Variants in ERBB4 observed in about 807,000 individuals in gnomAD.
ERBB4 encodes receptor tyrosine-protein kinase erbB-4.
ERBB4 carries 42 observed loss-of-function variants against 158.0 expected under a neutral mutation model. The observed-to-expected ratio is 0.27, with a 90% CI of 0.21 to 0.34. The LOEUF (loss-of-function observed/expected upper bound fraction) is 0.34. Among genes scored for constraint, ERBB4 ranks in the 10% least tolerant of loss-of-function variants. The pLI, the probability that ERBB4 is intolerant of heterozygous loss-of-function variation, is 1.00. For synonymous variants in ERBB4, 583 were observed against 558.7 expected (o/e 1.04, Z -0.61); for missense variants, 1,333 against 1,624.1 (o/e 0.82, Z 3.08).
intron 2 of ERBB4, among the ~76,000 whole-genome samples, chr2:212,113,915 G>A (rs2125546614): frequency 6.6e-6 from 1 of 152,278 alleles, no homozygotes; most frequent in South Asian, 2.1e-4. Flanking sequence ...GGAAAAGTAA[G>A]TAATGTAAAG....
chr2:212,012,168 T>C (rs1037941655), intron 2 of ERBB4, among the ~76,000 whole-genome samples: 1 of 152,224 alleles, frequency 6.6e-6, no homozygotes, highest in Non-Finnish European at 1.5e-5. Flanking sequence ...GCCAGGATTG[T>C]CTTTGGAATC....
chr2:212,301,753 C>A (rs185088931), intron 1 of ERBB4, among the ~76,000 whole-genome samples: 1 of 147,488 alleles, frequency 6.8e-6, no homozygotes, highest in African/African-American at 2.6e-5. Flanking sequence ...GTCCTGAAAT[C>A]CATATGTCAT....
At chr2:212,088,633 T>C (rs2125486863) in intron 2 of ERBB4, among the ~76,000 whole-genome samples, 1 of 152,194 alleles carries the variant, frequency 6.6e-6, no homozygotes, top group South Asian at 2.1e-4. Flanking sequence ...GTTGATACAG[T>C]TCTACTTCAA....
chr2:211,583,350 A>G (rs1256718350), intron 19 of ERBB4, among the ~76,000 whole-genome samples: 2 of 151,994 alleles, frequency 1.3e-5, no homozygotes, highest in African/African-American at 4.8e-5. Flanking sequence ...ATTTTGAAAT[A>G]GTACCACTGG....
intron 1 of ERBB4, among the ~76,000 whole-genome samples, chr2:212,126,153 C>G (rs1053533166): frequency 6.6e-6 from 1 of 152,082 alleles, no homozygotes; most frequent in Non-Finnish European, 1.5e-5. Flanking sequence ...CAAGTTTACA[C>G]AAGTTTTTGT....
intron 1 of ERBB4, among the ~76,000 whole-genome samples, chr2:212,266,258 C>A (rs1295060315): frequency 2.6e-5 from 4 of 151,752 alleles, no homozygotes; most frequent in Non-Finnish European, 5.9e-5. Flanking sequence ...TCTCAAATAT[C>A]TTTTCTTTCA....
intron 22 of ERBB4, among the ~76,000 whole-genome samples, chr2:211,425,583 G>A (rs147274224): frequency 6.6e-6 from 1 of 151,898 alleles, no homozygotes; most frequent in African/African-American, 2.4e-5. Context: ...AACAAGTTAA[G>A]TGGATGACTG....
At chr2:211,976,052 C>A (rs1224062996) in intron 2 of ERBB4, among the ~76,000 whole-genome samples, 3 of 152,016 alleles carry the variant, frequency 2.0e-5, no homozygotes, top group Non-Finnish European at 4.4e-5. Context: ...TACTATGTTG[C>A]ACTAATCTGT....
chr2:211,706,963 T>C (rs2073468863), intron 9 of ERBB4, among the ~76,000 whole-genome samples: 1 of 152,190 alleles, frequency 6.6e-6, no homozygotes, highest in African/African-American at 2.4e-5. Flanking sequence ...CCTTCACTTT[T>C]TAATGTGCAA....
At chr2:211,934,160 AT>A (rs1259862275) in intron 3 of ERBB4, among the ~76,000 whole-genome samples, 1 of 151,970 alleles carries the variant, frequency 6.6e-6, no homozygotes, top group Non-Finnish European at 1.5e-5. Flanking sequence ...TAAAATATAT[AT>A]TTTATAAAAC....
At chr2:211,696,914 C>T (rs2073044949) in intron 12 of ERBB4, among the ~76,000 whole-genome samples, 1 of 152,156 alleles carries the variant, frequency 6.6e-6, no homozygotes, top group Admixed American at 6.5e-5. Context: ...AGGTGATCTG[C>T]CCACCTCTGC....
chr2:211,544,078 A>G (rs940887214), intron 20 of ERBB4, among the ~76,000 whole-genome samples: 2 of 152,034 alleles, frequency 1.3e-5, no homozygotes, highest in Non-Finnish European at 2.9e-5. Flanking sequence ...CACATGGATT[A>G]TACTTGTATG....
At chr2:212,501,645 C>T (rs1690895511) in intron 1 of ERBB4, among the ~76,000 whole-genome samples, 2 of 152,234 alleles carry the variant, frequency 1.3e-5, no homozygotes, top group South Asian at 2.1e-4. Flanking sequence ...GAAATATTTG[C>T]TCCAGTCTAA....
chr2:211,725,317 G>A (rs1161032991), intron 5 of ERBB4, 123 bp from the exon 6 acceptor site: 1 of 788,672 alleles, frequency 1.3e-6, no homozygotes, highest in Non-Finnish European at 2.3e-6. Flanking sequence ...TTTAATGAAT[G>A]AGGTTTACAA....
At chr2:211,860,579 T>C (rs2077985253) in intron 3 of ERBB4, among the ~76,000 whole-genome samples, 1 of 152,086 alleles carries the variant, frequency 6.6e-6, no homozygotes, top group African/African-American at 2.4e-5. Context: ...GATTCACACA[T>C]TATAAGTCTG....
At chr2:211,474,879 A>C (rs1038429482) in intron 20 of ERBB4, among the ~76,000 whole-genome samples, 1 of 152,000 alleles carries the variant, frequency 6.6e-6, no homozygotes, top group Admixed American at 6.6e-5. Flanking sequence ...CCAGAGAAGT[A>C]GGTGGAATGA....
chr2:211,428,541 G>A (rs1321764476), intron 21 of ERBB4, 58 bp from the exon 22 acceptor site: 1 of 936,822 alleles, frequency 1.1e-6, no homozygotes, highest in Non-Finnish European at 1.7e-6. Context: ...ATTTCTATAT[G>A]TATTTCCTAA....
At chr2:212,222,775 A>G (rs933449960) in intron 1 of ERBB4, among the ~76,000 whole-genome samples, 1 of 151,454 alleles carries the variant, frequency 6.6e-6, no homozygotes, top group Non-Finnish European at 1.5e-5. Flanking sequence ...CTAATTTTGC[A>G]TATTTTGGGG....
At chr2:212,265,379 T>C (rs185178651) in intron 1 of ERBB4, among the ~76,000 whole-genome samples, 1 of 151,236 alleles carries the variant, frequency 6.6e-6, no homozygotes, top group African/African-American at 2.4e-5. Context: ...TCTGAGTTGA[T>C]AATGAGATAT....
Sources: gnomAD v4.1 joint callset for allele counts (sites outside exome capture counted in the v4.1 genomes callset) on GRCh38, gnomAD v4.1.1 for gene constraint, MANE v1.5 for transcripts, NCBI Gene and HGNC (gene_info 2026-07-23, HGNC 2026-07-21) for gene names.